Variants in SHROOM4 observed in about 807,000 individuals in gnomAD.
SHROOM4 encodes protein Shroom4.
A neutral mutation model predicts 80.3 loss-of-function variants in SHROOM4; 17 were observed. The ratio of observed to expected loss-of-function variants is 0.21; its 90% CI spans 0.14 to 0.32. The LOEUF (loss-of-function observed/expected upper bound fraction) is 0.32, where lower values mean the gene tolerates loss of function less well. SHROOM4 is among the 10% of genes least tolerant of loss of function. The pLI, the probability that SHROOM4 is intolerant of heterozygous loss-of-function variation, is 1.00. For missense variants in SHROOM4, 993 were observed against 1,140.3 expected, an observed-to-expected ratio of 0.87 and a Z score of 1.86; for synonymous variants, 400 against 437.5, an observed-to-expected ratio of 0.91 and a Z score of 1.07.
chrX:50,576,931 T>A, the SHROOM4 span, among the ~76,000 whole-genome samples: 1 of 112,093 alleles, frequency 8.9e-6, no homozygotes, highest in African/African-American at 3.2e-5. Context: ...AATCAGACAA[T>A]ATTATAATTT....
chrX:50,601,914 C>T (rs376134837), intron 7 of SHROOM4, among the ~76,000 whole-genome samples: 8 of 111,191 alleles, frequency 7.2e-5, no homozygotes, highest in East Asian at 2.8e-4. Context: ...TAGTGAGTTA[C>T]TTACAAGGCT....
intron 2 of SHROOM4, among the ~76,000 whole-genome samples, chrX:50,640,598 T>G (rs1054347741): frequency 2.7e-5 from 3 of 111,783 alleles, no homozygotes; most frequent in East Asian, 2.8e-4. Flanking sequence ...AAACGCCAAC[T>G]GAATTGGGGT....
intron 1 of SHROOM4, among the ~76,000 whole-genome samples, chrX:50,797,215 T>C (rs918308416): frequency 3.6e-5 from 4 of 110,975 alleles, no homozygotes; most frequent in Admixed American, 1.9e-4. Context: ...GAGTTCAGTA[T>C]TACAGGAGCT....
intron 5 of SHROOM4, among the ~76,000 whole-genome samples, chrX:50,621,402 A>G (rs1569546655): frequency 9.0e-6 from 1 of 111,482 alleles, no homozygotes; most frequent in Non-Finnish European, 1.9e-5. Context: ...AAATAAATGT[A>G]CTCTTTGGTA....
chrX:50,649,246 C>G (rs782252786), intron 2 of SHROOM4, among the ~76,000 whole-genome samples: 1 of 111,875 alleles, frequency 8.9e-6, no homozygotes, highest in Non-Finnish European at 1.9e-5. Flanking sequence ...CTAGCAAATT[C>G]TGTAGGTAGG....
chrX:50,635,534 T>C lies in SHROOM4; in HGVS notation c.539A>G (p.Asn180Ser). ...YESHLLPIDQ[N>S]MYPNQRDSAY... ...TGAGTCACGCTGGTTAGGGTACATGTTCTGGTCAATAGGCAACAGATGGCT... is the reference window on the plus strand; with the variant it reads ...TGAGTCACGCTGGTTAGGGTACATGCTCTGGTCAATAGGCAACAGATGGCT... The change falls in exon 4 of 9, where the codon AAC (asparagine) becomes AGC (serine). Residue 180 changes from asparagine (N) to serine (S), a missense_variant. Asn to Ser is a conservative substitution (Grantham distance 46). Coordinates refer to ENST00000376020, the MANE Select transcript of SHROOM4 (RefSeq NM_020717.5). 2 of 1,210,588 alleles carry C rather than the reference T, an allele frequency of 1.7e-6. No individual in the cohort carries two copies. The highest frequency in any genetic ancestry group is 2.2e-6 in the Non-Finnish European group (2 of 895,214).
At position 50,593,272 on chromosome X, in the gene SHROOM4, C is replaced by T. The variant is rs1404857025; in HGVS notation, c.*3423G>A. 1 of 112,038 alleles carries T rather than the reference C, an allele frequency of 8.9e-6. No homozygotes were observed. The highest frequency in any genetic ancestry group is 3.3e-5 in the African/African-American group (1 of 30,708). The allele number at this position is 112,038 out of a possible 1,213,427, so 9.2% of individuals were successfully genotyped here. ...GACCAAATTCCTTTCCAGTACTTTTCAGCAGAATCTTTAGACTTCCATCAC... is the reference window on the plus strand; with the variant it reads ...GACCAAATTCCTTTCCAGTACTTTTTAGCAGAATCTTTAGACTTCCATCAC... On this transcript the variant is annotated 3_prime_UTR_variant, in exon 9 of 9. Coordinates refer to ENST00000376020, the MANE Select transcript of SHROOM4 (RefSeq NM_020717.5).
intron 1 of SHROOM4, among the ~76,000 whole-genome samples, chrX:50,803,919 G>A (rs893317165): frequency 8.9e-6 from 1 of 111,960 alleles, no homozygotes; most frequent in Non-Finnish European, 1.9e-5. Flanking sequence ...TAAGATGTTA[G>A]CCTTTCAAAG....
rs1928980487 is a variant in SHROOM4 at position 50,593,793 on chromosome X, G to A, written c.*2902C>T. 8.9e-6 allele frequency: 1 copy of A among 112,126 alleles called. No homozygotes were observed. The highest frequency in any genetic ancestry group is 1.9e-5 in the Non-Finnish European group (1 of 53,225). The allele number at this position is 112,126 out of a possible 1,213,427, so 9.2% of individuals were successfully genotyped here. A position where few individuals can be genotyped will look rare whatever the true frequency, so the allele number is the denominator to read the frequency against. ...AGAACCTGAACCTAACCTTGAAGGA[G>A]GCTTTTTATCTTTTCACCTCTCCTT... On this transcript the variant is annotated 3_prime_UTR_variant, in exon 9 of 9. Coordinates refer to ENST00000376020, the MANE Select transcript of SHROOM4 (RefSeq NM_020717.5).
chrX:50,685,997 C>A (rs1040596106), intron 2 of SHROOM4, among the ~76,000 whole-genome samples: 1 of 111,053 alleles, frequency 9.0e-6, no homozygotes, highest in African/African-American at 3.3e-5. Flanking sequence ...ATAATAACAC[C>A]TGGTCTATGA....
At chrX:50,652,479 T>C (rs1235194215) in intron 2 of SHROOM4, among the ~76,000 whole-genome samples, 1 of 112,102 alleles carries the variant, frequency 8.9e-6, no homozygotes, top group African/African-American at 3.2e-5. Context: ...TAGCCCTTTG[T>C]CAGATGGATA....
chrX:50,812,765 A>AC (rs201422334), intron 1 of SHROOM4, among the ~76,000 whole-genome samples: 3 of 110,390 alleles, frequency 2.7e-5, no homozygotes, highest in Non-Finnish European at 5.7e-5. Context: ...GCAAAAAAAA[A>AC]GTGATATTTG....
chrX:50,696,740 T>C (rs782711841), intron 1 of SHROOM4, among the ~76,000 whole-genome samples: 2 of 112,112 alleles, frequency 1.8e-5, no homozygotes, highest in South Asian at 7.5e-4. Flanking sequence ...GCTGGAAATA[T>C]GGGTATTTAC....
chrX:50,641,263 G>C (rs1240025353), intron 2 of SHROOM4, among the ~76,000 whole-genome samples: 1 of 112,435 alleles, frequency 8.9e-6, no homozygotes, highest in East Asian at 2.8e-4. Flanking sequence ...GGTGAAAAAT[G>C]AGTGAGACAG....
intron 3 of SHROOM4, 137 bp from the exon 4 acceptor site, chrX:50,635,805 G>T: frequency 1.8e-6 from 1 of 552,462 alleles, no homozygotes; most frequent in Non-Finnish European, 3.1e-6. Flanking sequence ...GGAAGAAAGG[G>T]AAACAGGGAA....
intron 2 of SHROOM4, among the ~76,000 whole-genome samples, chrX:50,688,001 G>T (rs1375937433): frequency 9.1e-6 from 1 of 110,136 alleles, no homozygotes; most frequent in Non-Finnish European, 1.9e-5. Context: ...TGTCCTCATG[G>T]TTCTAGTCTA....
downstream of SHROOM4, among the ~76,000 whole-genome samples, chrX:50,586,010 T>C (rs1928752298): frequency 8.9e-6 from 1 of 111,798 alleles, no homozygotes; most frequent in South Asian, 3.8e-4. Context: ...ATTACTCTTT[T>C]CTATCTGCCT....
At position 50,655,609 on chromosome X, in the gene SHROOM4, A is replaced by T. The variant is rs1040641594; in HGVS notation, c.270-17301T>A. On this transcript the variant is annotated intron_variant, in intron 2 of 8. Transcript: ENST00000376020. ...TTTTCTTTATTCATCATCTTTATTCATCATAAAGAATAAATTCATTCTTTA... is the reference window on the plus strand; with the variant it reads ...TTTTCTTTATTCATCATCTTTATTCTTCATAAAGAATAAATTCATTCTTTA... 2.2e-4 allele frequency among the ~76,000 whole-genome samples: 23 copies of T among 102,382 alleles called. No individual in the cohort carries two copies. The South Asian group carries it at 4.8e-3, about 21-fold the overall frequency. 88.9% of individuals were successfully genotyped at this position (102,382 alleles called of 115,157 possible).
intron 1 of SHROOM4, among the ~76,000 whole-genome samples, chrX:50,767,664 C>A (rs782093933): frequency 3.7e-5 from 4 of 109,051 alleles, no homozygotes; most frequent in Non-Finnish European, 7.5e-5. Flanking sequence ...GTTCTCTGAG[C>A]TTCAGGATAA....
Sources: gnomAD v4.1 joint callset for allele counts (sites outside exome capture counted in the v4.1 genomes callset) on GRCh38, gnomAD v4.1.1 for gene constraint, MANE v1.5 for transcripts, NCBI Gene and HGNC (gene_info 2026-07-23, HGNC 2026-07-21) for gene names.